JPH1: variants seen among roughly 807,000 people sequenced by gnomAD.
JPH1 encodes the protein junctophilin 1, also known as junctophilin-1.
In JPH1, 12 loss-of-function variants were observed where a neutral mutation model predicts 53.6. The ratio of observed to expected loss-of-function variants is 0.22; its 90% CI spans 0.14 to 0.36. The LOEUF is 0.36. Ranked by LOEUF, JPH1 falls within the 10% of genes least tolerant of loss-of-function variation. The probability of loss-of-function intolerance (pLI) is 1.00; values close to 1 mark genes in which losing one functional copy is unlikely to be tolerated. For synonymous variants in JPH1, 375 were observed against 363.8 expected, an observed-to-expected ratio of 1.03 and a Z score of -0.35; for missense variants, 808 against 905.5, an observed-to-expected ratio of 0.89 and a Z score of 1.38.
In JPH1 at chr8:74,259,474, G is replaced by A; in HGVS notation, c.1169C>T (p.Ala390Val). The stretch of plus-strand genomic sequence containing the variant: ...AGCGGCCAGCGCGGCCTGGTCGGCG[G>A]CATCGGCCTTCGCTCTGGCATGTGC... ...RTAHARAKAD[A>V]ADQAALAARQ... Residue 390 changes from alanine to valine, a missense_variant, in exon 3 of 6, where the codon GCC becomes GTC. This residue lies in a region of JPH1 where 756 missense variants were observed against 811.9 expected (regional missense o/e 0.93). Transcript: ENST00000342232. 6.2e-7 allele frequency: 1 copy of A among 1,612,060 alleles called. No homozygotes were observed. Among genetic ancestry groups the A allele is most frequent in the Non-Finnish European group, 8.5e-7 (1 of 1,178,792 alleles).
At chr8:74,254,753 G>C (rs1352639229) in intron 3 of JPH1, among the ~76,000 whole-genome samples, 4 of 152,006 alleles carry the variant, frequency 2.6e-5, no homozygotes, top group Non-Finnish European at 5.9e-5. Flanking sequence ...ACCAATAACA[G>C]ACAAACAGAG....
At chr8:74,282,686 G>C (rs1807046735) in intron 2 of JPH1, among the ~76,000 whole-genome samples, 1 of 152,174 alleles carries the variant, frequency 6.6e-6, no homozygotes. Context: ...GATAGCCAGA[G>C]GAGGTTAACT....
At chr8:74,314,457 G>A (rs1808081024) in intron 2 of JPH1, among the ~76,000 whole-genome samples, 1 of 152,092 alleles carries the variant, frequency 6.6e-6, no homozygotes, top group Non-Finnish European at 1.5e-5. Context: ...GTTTCTACGT[G>A]GATTGCTATT....
chr8:74,258,671 G>C (rs143046891), intron 3 of JPH1, among the ~76,000 whole-genome samples: 2 of 152,252 alleles, frequency 1.3e-5, no homozygotes, highest in African/African-American at 4.8e-5. Flanking sequence ...TCACAGTACT[G>C]ACTGGCTCTT....
chr8:74,264,311 C>T (rs1424311320), intron 2 of JPH1, among the ~76,000 whole-genome samples: 1 of 152,084 alleles, frequency 6.6e-6, no homozygotes, highest in African/African-American at 2.4e-5. Context: ...TCCATAAATT[C>T]CTTTTTTTTA....
At chr8:74,287,381 T>C (rs977813807) in intron 2 of JPH1, among the ~76,000 whole-genome samples, 1 of 151,698 alleles carries the variant, frequency 6.6e-6, no homozygotes, top group East Asian at 1.9e-4. Flanking sequence ...TGAGCCAAGA[T>C]TGCACTCCGG....
At chr8:74,306,391 G>A (rs1013428015) in intron 2 of JPH1, among the ~76,000 whole-genome samples, 6 of 152,118 alleles carry the variant, frequency 3.9e-5, no homozygotes, top group African/African-American at 9.7e-5. Flanking sequence ...AAAATGTGAC[G>A]AAGTTAGACT....
At chr8:74,256,131 T>C (rs574929370) in intron 3 of JPH1, among the ~76,000 whole-genome samples, 1 of 152,196 alleles carries the variant, frequency 6.6e-6, no homozygotes, top group African/African-American at 2.4e-5. Context: ...AGCAAAGACT[T>C]GGAACCAACC....
At chr8:74,257,900 A>G (rs756775375) in intron 3 of JPH1, among the ~76,000 whole-genome samples, 60 of 152,268 alleles carry the variant, frequency 3.9e-4, no homozygotes, top group Non-Finnish European at 8.1e-4. Context: ...GTCCCTCCCC[A>G]GCCTTTCTCT....
chr8:74,245,743 C>T (rs938675936), intron 3 of JPH1, among the ~76,000 whole-genome samples: 1 of 151,978 alleles, frequency 6.6e-6, no homozygotes, highest in African/African-American at 2.4e-5. Flanking sequence ...CAGTGTTTTG[C>T]AGGTATCAAA....
intron 3 of JPH1, among the ~76,000 whole-genome samples, chr8:74,254,945 A>G (rs1471439250): frequency 2.0e-5 from 3 of 152,216 alleles, no homozygotes; most frequent in Non-Finnish European, 4.4e-5. Flanking sequence ...GGAAGAATCA[A>G]TATCGTGAAA....
chr8:74,279,223 G>A (rs1806939766), intron 2 of JPH1, among the ~76,000 whole-genome samples: 1 of 152,190 alleles, frequency 6.6e-6, no homozygotes, highest in African/African-American at 2.4e-5. Flanking sequence ...CTCTGACTTA[G>A]CTCAACTTTG....
intron 2 of JPH1, among the ~76,000 whole-genome samples, chr8:74,280,195 G>A (rs1484549305): frequency 6.6e-6 from 1 of 152,204 alleles, no homozygotes; most frequent in Admixed American, 6.5e-5. Context: ...AGATGTTTAT[G>A]TATATTAACA....
At chr8:74,310,458 T>C (rs1807960429) in intron 2 of JPH1, among the ~76,000 whole-genome samples, 1 of 152,186 alleles carries the variant, frequency 6.6e-6, no homozygotes. Flanking sequence ...ATTATAAGTA[T>C]CCCTTATGGT....
intron 3 of JPH1, among the ~76,000 whole-genome samples, chr8:74,246,996 T>C (rs774723059): frequency 1.3e-5 from 2 of 152,244 alleles, no homozygotes; most frequent in African/African-American, 4.8e-5. Flanking sequence ...TTCTGAATTC[T>C]TTCTTGGTGC....
intron 3 of JPH1, 81 bp downstream of exon 3, chr8:74,259,304 C>G: frequency 9.1e-7 from 1 of 1,097,600 alleles, no homozygotes; most frequent in Middle Eastern, 2.9e-4. Flanking sequence ...AAGCACACAT[C>G]TTTATGTTGA....
At chr8:74,249,651 T>A (rs2131381964) in intron 3 of JPH1, among the ~76,000 whole-genome samples, 1 of 152,338 alleles carries the variant, frequency 6.6e-6, no homozygotes, top group East Asian at 1.9e-4. Context: ...GTTTCCCTTT[T>A]TAATGAAAAA....
chr8:74,266,711 T>C (rs1256188549), intron 2 of JPH1, among the ~76,000 whole-genome samples: 1 of 152,122 alleles, frequency 6.6e-6, no homozygotes, highest in Non-Finnish European at 1.5e-5. Context: ...AACCTAAAAA[T>C]AAAAGAAAGT....
At chr8:74,263,983 G>C (rs1476808517) in intron 2 of JPH1, among the ~76,000 whole-genome samples, 1 of 152,210 alleles carries the variant, frequency 6.6e-6, no homozygotes, top group Non-Finnish European at 1.5e-5. Context: ...CTCCACAGGT[G>C]TCAGTTTAAA....
Sources: allele counts gnomAD v4.1 joint callset (sites outside exome capture counted in the v4.1 genomes callset), GRCh38; gene constraint gnomAD v4.1.1; regional missense constraint gnomAD v4.1.1; transcripts MANE v1.5; gene names NCBI Gene and HGNC (gene_info 2026-07-23, HGNC 2026-07-21).